The following PPP2R2B variants were observed in gnomAD, a reference collection of about 807,000 sequenced individuals.
The protein encoded by PPP2R2B is serine/threonine-protein phosphatase 2A 55 kDa regulatory subunit B beta isoform.
PPP2R2B carries 5 observed loss-of-function variants against 46.0 expected under a neutral mutation model. The ratio of observed to expected loss-of-function variants is 0.11; its 90% confidence interval spans 0.06 to 0.23. The LOEUF (loss-of-function observed/expected upper bound fraction) is 0.23. Ranked by LOEUF, PPP2R2B falls within the 10% of genes least tolerant of loss-of-function variation. The pLI is 1.00. For missense variants in PPP2R2B, 367 were observed against 575.0 expected, an observed-to-expected ratio of 0.64 and a Z score of 3.70; for synonymous variants, 215 against 206.7, an observed-to-expected ratio of 1.04 and a Z score of -0.34.
chr5:146,784,191 A>G (rs1015091339), intron 2 of PPP2R2B, among the ~76,000 whole-genome samples: 3 of 152,224 alleles, frequency 2.0e-5, no homozygotes, highest in African/African-American at 7.2e-5. Flanking sequence ...TTTTTCTGTA[A>G]ATAGCATGCA....
chr5:146,710,235 A>G lies in PPP2R2B; in HGVS notation c.71-9093T>C, dbSNP rs576352030. Reference sequence around the variant, plus strand: ...GGGACCTAGCCACACCCTCTTTAGGAGCCAAGCTTTCCCTGCTAATATGCA... The same window carrying G: ...GGGACCTAGCCACACCCTCTTTAGGGGCCAAGCTTTCCCTGCTAATATGCA... On this transcript the variant is annotated intron_variant, in intron 2 of 9. Transcript: ENST00000394411. Among the ~76,000 whole-genome samples, 23 of 152,276 alleles carry G rather than the reference A, an allele frequency of 1.5e-4. 1 individual carries two copies. In the South Asian group the frequency reaches 4.4e-3, roughly 29 times the overall value.
chr5:147,081,397 AGTTT>A, exon 1 of PPP2R2B: 1 of 1,204,238 alleles, frequency 8.3e-7, no homozygotes, highest in Non-Finnish European at 1.2e-6. Context: ...GAGCAATTGG[AGTTT>A]GTCCCTTCTC....
rs577327856 is a variant in PPP2R2B at position 146,729,306 on chromosome 5, C to T, written c.71-28164G>A. Among the ~76,000 whole-genome samples, 8 of 152,292 alleles carry T rather than the reference C, an allele frequency of 5.3e-5. No individual in the cohort carries two copies. The East Asian group carries it at 1.5e-3, about 29-fold the overall frequency. On this transcript the variant is annotated intron_variant, in intron 2 of 9. Transcript: ENST00000394411. The stretch of plus-strand genomic sequence containing the variant: ...GTATCTGGCAGAAGAAATTTCTAAG[C>T]AGCAAAGCATTCAAGAGGTGATGTC...
chr5:146,809,446 C>A (rs1757389939), intron 2 of PPP2R2B, among the ~76,000 whole-genome samples: 1 of 151,304 alleles, frequency 6.6e-6, no homozygotes, highest in African/African-American at 2.4e-5. Context: ...TAGTAAGCAC[C>A]CAAATAAATG....
At chr5:146,691,595 T>A (rs535214437) in intron 4 of PPP2R2B, among the ~76,000 whole-genome samples, 3 of 152,212 alleles carry the variant, frequency 2.0e-5, no homozygotes, top group African/African-American at 7.2e-5. Flanking sequence ...ACATGAAAAA[T>A]TGGTTTAACA....
At chr5:146,791,192 A>G (rs900921510) in intron 2 of PPP2R2B, among the ~76,000 whole-genome samples, 2 of 152,162 alleles carry the variant, frequency 1.3e-5, no homozygotes, top group African/African-American at 4.8e-5. Flanking sequence ...GAAAAGTGGC[A>G]GGGAATTTTA....
intron 2 of PPP2R2B, among the ~76,000 whole-genome samples, chr5:146,780,707 G>A (rs895027775): frequency 6.6e-6 from 1 of 152,162 alleles, no homozygotes; most frequent in Non-Finnish European, 1.5e-5. Flanking sequence ...GCTGTTTGCT[G>A]TTGGTGACCC....
intron 2 of PPP2R2B, chr5:146,706,414 C>A: frequency 1.1e-6 from 1 of 875,398 alleles, no homozygotes. Flanking sequence ...TGGTGGTCTT[C>A]GTATGGATAC....
At chr5:146,788,470 C>T (rs1193067678) in intron 2 of PPP2R2B, among the ~76,000 whole-genome samples, 3 of 152,060 alleles carry the variant, frequency 2.0e-5, no homozygotes, top group Non-Finnish European at 4.4e-5. Flanking sequence ...CACAGTGGCT[C>T]ACGCCTCCCA....
chr5:146,966,681 C>T (rs765235799), intron 1 of PPP2R2B, among the ~76,000 whole-genome samples: 3 of 152,176 alleles, frequency 2.0e-5, no homozygotes, highest in Non-Finnish European at 2.9e-5. Context: ...TATTCCTTTA[C>T]GTATCCCTCG....
At chr5:146,842,133 T>G (rs1582243040) in intron 2 of PPP2R2B, among the ~76,000 whole-genome samples, 1 of 152,304 alleles carries the variant, frequency 6.6e-6, no homozygotes, top group African/African-American at 2.4e-5. Context: ...ACTGCACATT[T>G]ATCTTCAGCT....
At chr5:146,902,072 T>C (rs547398170) in intron 1 of PPP2R2B, among the ~76,000 whole-genome samples, 1 of 152,224 alleles carries the variant, frequency 6.6e-6, no homozygotes, top group Non-Finnish European at 1.5e-5. Flanking sequence ...TGATGTATGG[T>C]TGCATGTTTG....
chr5:146,903,374 T>C (rs1762897809), intron 1 of PPP2R2B, among the ~76,000 whole-genome samples: 1 of 148,186 alleles, frequency 6.7e-6, no homozygotes, highest in South Asian at 2.1e-4. Flanking sequence ...TGTTCTTTTC[T>C]TTCTTGCTTT....
intron 7 of PPP2R2B, among the ~76,000 whole-genome samples, chr5:146,627,015 C>G (rs903449038): frequency 6.6e-6 from 1 of 152,038 alleles, no homozygotes; most frequent in Non-Finnish European, 1.5e-5. Flanking sequence ...TTGGGCACTG[C>G]CTGCTCTGTT....
intron 1 of PPP2R2B, among the ~76,000 whole-genome samples, chr5:147,022,367 G>T (rs548417613): frequency 1.3e-5 from 2 of 151,630 alleles, no homozygotes; most frequent in African/African-American, 4.9e-5. Flanking sequence ...GACCATCCTG[G>T]TCAACATAAT....
chr5:147,029,012 T>C (rs892227071), intron 1 of PPP2R2B, among the ~76,000 whole-genome samples: 3 of 152,230 alleles, frequency 2.0e-5, no homozygotes, highest in African/African-American at 7.2e-5. Flanking sequence ...TGTCAGAGTC[T>C]TTCTTATTTG....
intron 1 of PPP2R2B, among the ~76,000 whole-genome samples, chr5:146,893,124 T>C (rs1180667982): frequency 6.6e-6 from 1 of 152,214 alleles, no homozygotes; most frequent in African/African-American, 2.4e-5. Flanking sequence ...TATTCCCTCG[T>C]GATGTGTTTC....
At chr5:146,797,524 C>A (rs1461911428) in intron 2 of PPP2R2B, among the ~76,000 whole-genome samples, 1 of 152,160 alleles carries the variant, frequency 6.6e-6, no homozygotes, top group Admixed American at 6.5e-5. Context: ...TTAATACTCA[C>A]AAAAGCTGTA....
intron 1 of PPP2R2B, among the ~76,000 whole-genome samples, chr5:146,950,316 A>T (rs551720244): frequency 6.6e-6 from 1 of 152,208 alleles, no homozygotes; most frequent in South Asian, 2.1e-4. Flanking sequence ...AATTTATGTT[A>T]AAGAAGTACT....
Sources: gnomAD v4.1 joint callset for allele counts (sites outside exome capture counted in the v4.1 genomes callset) on GRCh38, gnomAD v4.1.1 for gene constraint, MANE v1.5 for transcripts, NCBI Gene and HGNC (gene_info 2026-07-23, HGNC 2026-07-21) for gene names.